Variants in PPARGC1A observed in about 807,000 individuals in gnomAD.
PPARGC1A encodes PPARG coactivator 1 alpha.
PPARGC1A carries 25 observed loss-of-function variants against 88.7 expected under a neutral mutation model. That is an observed-to-expected ratio of 0.28 (90% CI 0.21 to 0.39). The LOEUF is 0.39. PPARGC1A is among the 10% of genes least tolerant of loss of function. The probability of loss-of-function intolerance (pLI) is 1.00; values close to 1 mark genes in which losing one functional copy is unlikely to be tolerated. For synonymous variants in PPARGC1A, 363 were observed against 355.6 expected (o/e 1.02, Z -0.24); for missense variants, 880 against 968.7 (o/e 0.91, Z 1.22).
chr4:23,859,676 G>A (rs917163849), intron 2 of PPARGC1A, among the ~76,000 whole-genome samples: 2 of 151,780 alleles, frequency 1.3e-5, no homozygotes, highest in African/African-American at 2.4e-5. Context: ...AGCTACTCGG[G>A]AGGCTGAGGC....
chr4:23,967,385 T>C, the PPARGC1A span, among the ~76,000 whole-genome samples: 1 of 152,194 alleles, frequency 6.6e-6, no homozygotes, highest in Non-Finnish European at 1.5e-5. Flanking sequence ...TTGCAGATTA[T>C]CGACCAAATT....
At chr4:24,230,720 A>C in the PPARGC1A span, among the ~76,000 whole-genome samples, 4 of 152,326 alleles carry the variant, frequency 2.6e-5, no homozygotes, top group African/African-American at 9.6e-5. Context: ...AAGATCTAGA[A>C]GTGGAAGACA....
the PPARGC1A span, among the ~76,000 whole-genome samples, chr4:24,138,360 G>A: frequency 0.016 from 2,378 of 152,260 alleles, 22 homozygotes; most frequent in Non-Finnish European, 0.024. Flanking sequence ...TTAAGAGCCA[G>A]AACCAAAGGG....
chr4:24,233,963 A>G, the PPARGC1A span, among the ~76,000 whole-genome samples: 1 of 152,226 alleles, frequency 6.6e-6, no homozygotes, highest in Non-Finnish European at 1.5e-5. Flanking sequence ...AAAAGCTGAT[A>G]CACAGAACAC....
At chr4:24,171,186 C>T in the PPARGC1A span, among the ~76,000 whole-genome samples, 522 of 152,120 alleles carry the variant, frequency 3.4e-3, 2 homozygotes, top group African/African-American at 0.012. Flanking sequence ...CTGAGACCGG[C>T]GGATCGGTCA....
chr4:24,205,390 C>A, the PPARGC1A span, among the ~76,000 whole-genome samples: 1 of 151,938 alleles, frequency 6.6e-6, no homozygotes, highest in South Asian at 2.1e-4. Flanking sequence ...GAGTGGTCAC[C>A]GCCAGTATGA....
chr4:24,422,156 T>A, the PPARGC1A span, among the ~76,000 whole-genome samples: 4 of 152,198 alleles, frequency 2.6e-5, no homozygotes, highest in Non-Finnish European at 2.9e-5. Context: ...CCACCATTCA[T>A]TTATTGTATC....
At chr4:24,472,695 CCTTCTCAAGA>C in the PPARGC1A span, among the ~76,000 whole-genome samples, 2 of 151,542 alleles carry the variant, frequency 1.3e-5, no homozygotes, top group African/African-American at 4.8e-5. The surrounding 1 kb of genome is among the most constrained non-coding windows in gnomAD (Gnocchi z 4.5). Flanking sequence ...GCCGCTGCCG[CCTTCTCAAGA>C]CGGTACCTAG....
rs142294959 is a variant in PPARGC1A, at chr4:23,796,470, A to G, written c.2294-545T>C. Among the ~76,000 whole-genome samples the G allele has an allele frequency of 4.1e-4, 62 of 152,204 alleles. No homozygotes were observed. In the East Asian group the frequency reaches 6.8e-3, roughly 17 times the overall value. ...GAATTTTTGGTGCAAATTCTCCCCA[A>G]ATTGGAAGGTTGAGAGAAATGCTTC... On this transcript the variant is annotated intron_variant, in intron 12 of 12. Coordinates refer to ENST00000264867, the MANE Select transcript of PPARGC1A (RefSeq NM_013261.5).
chr4:24,409,393 C>T, the PPARGC1A span, among the ~76,000 whole-genome samples: 1 of 152,214 alleles, frequency 6.6e-6, no homozygotes. Context: ...TCCTTTGGCA[C>T]ATTCTTCAAC....
At chr4:23,896,220 G>T (rs897932892) in intron 1 of PPARGC1A, among the ~76,000 whole-genome samples, 1 of 151,866 alleles carries the variant, frequency 6.6e-6, no homozygotes, top group African/African-American at 2.4e-5. Context: ...TACTTTTTAC[G>T]TTCCTTTATG....
upstream of PPARGC1A, among the ~76,000 whole-genome samples, chr4:23,905,290 C>T (rs200021629): frequency 1.3e-5 from 2 of 152,192 alleles, no homozygotes; most frequent in East Asian, 3.9e-4. Flanking sequence ...TCAACAACTG[C>T]CATCCACTCT....
At chr4:24,210,978 T>G in the PPARGC1A span, among the ~76,000 whole-genome samples, 2 of 152,204 alleles carry the variant, frequency 1.3e-5, no homozygotes, top group Non-Finnish European at 2.9e-5. Context: ...CTCACCATTT[T>G]AAAGCACTTC....
chr4:24,300,341 T>A, the PPARGC1A span, among the ~76,000 whole-genome samples: 2 of 58,418 alleles, frequency 3.4e-5, no homozygotes, highest in Non-Finnish European at 3.0e-5. Flanking sequence ...TTTTTTTTTT[T>A]TTTTTTTTTT....
the PPARGC1A span, among the ~76,000 whole-genome samples, chr4:24,383,704 C>T: frequency 6.6e-6 from 1 of 152,074 alleles, no homozygotes; most frequent in Non-Finnish European, 1.5e-5. Context: ...ATGTACAAAG[C>T]CTCCAAGAAA....
the PPARGC1A span, among the ~76,000 whole-genome samples, chr4:23,972,099 C>T: frequency 3.3e-5 from 5 of 152,036 alleles, no homozygotes; most frequent in African/African-American, 1.2e-4. Flanking sequence ...AATTCATCTT[C>T]CCCAAATGAC....
At chr4:23,962,340 G>A in the PPARGC1A span, among the ~76,000 whole-genome samples, 2 of 152,150 alleles carry the variant, frequency 1.3e-5, no homozygotes, top group African/African-American at 4.8e-5. Context: ...GGGTCATCTG[G>A]CCCAATATCC....
the PPARGC1A span, among the ~76,000 whole-genome samples, chr4:24,388,332 G>T: frequency 6.6e-6 from 1 of 152,192 alleles, no homozygotes; most frequent in Non-Finnish European, 1.5e-5. Flanking sequence ...AGATGCTGGA[G>T]AGGATGTGGA....
the PPARGC1A span, among the ~76,000 whole-genome samples, chr4:24,349,858 G>C: frequency 6.6e-6 from 1 of 152,192 alleles, no homozygotes; most frequent in Non-Finnish European, 1.5e-5. Flanking sequence ...AGTTCAGCTA[G>C]AGAATTCCTT....
Sources: gnomAD v4.1 joint callset for allele counts (sites outside exome capture counted in the v4.1 genomes callset) on GRCh38, gnomAD v4.1.1 for gene constraint, Gnocchi (gnomAD v3.1) non-coding constraint, MANE v1.5 for transcripts, NCBI Gene and HGNC (gene_info 2026-07-23, HGNC 2026-07-21) for gene names.